Variants in ZMYND11 observed in about 807,000 individuals in gnomAD.
ZMYND11 encodes the protein zinc finger MYND-type containing 11.
Under a neutral mutation model 84.9 loss-of-function variants are expected in ZMYND11, and 9 were observed. The ratio of observed to expected loss-of-function variants is 0.11; its 90% confidence interval spans 0.06 to 0.18. ZMYND11 has a LOEUF of 0.18. Among genes scored for constraint, ZMYND11 ranks in the 10% least tolerant of loss-of-function variants. ZMYND11 has a pLI of 1.00. For missense variants in ZMYND11, 409 were observed against 761.0 expected, an observed-to-expected ratio of 0.54 and a Z score of 5.44; for synonymous variants, 250 against 244.1, an observed-to-expected ratio of 1.02 and a Z score of -0.23.
chr10:159,512 A>G (rs1032511308), intron 1 of ZMYND11, among the ~76,000 whole-genome samples: 4 of 152,150 alleles, frequency 2.6e-5, no homozygotes, highest in African/African-American at 9.7e-5. Context: ...GCATCTTTTA[A>G]TAAATTTATA....
At chr10:160,319 T>TA (rs1197632522) in intron 1 of ZMYND11, among the ~76,000 whole-genome samples, 4 of 152,242 alleles carry the variant, frequency 2.6e-5, no homozygotes, top group African/African-American at 7.2e-5. Context: ...AGACCTTAAT[T>TA]AAAAAATACT....
chr10:251,963 C>T (rs1488552859), intron 14 of ZMYND11, among the ~76,000 whole-genome samples: 2 of 151,876 alleles, frequency 1.3e-5, no homozygotes, highest in East Asian at 1.9e-4. Context: ...ATGTTAACGA[C>T]GAGAGAAGAA....
chr10:144,858 T>C (rs1413038650), intron 1 of ZMYND11, among the ~76,000 whole-genome samples: 1 of 150,572 alleles, frequency 6.6e-6, no homozygotes, highest in Admixed American at 6.6e-5. Context: ...CTGAGTAGTG[T>C]ACATTGTACC....
At chr10:241,375 A>G (rs1950882064) in intron 9 of ZMYND11, among the ~76,000 whole-genome samples, 2 of 152,016 alleles carry the variant, frequency 1.3e-5, no homozygotes, top group Admixed American at 6.5e-5. Flanking sequence ...ATGGGGTTTT[A>G]CCATGTTGCT....
chr10:158,976 GGTTTTTT>G lies in ZMYND11; in HGVS notation c.-19-21003_-19-20997del, dbSNP rs1469407467. Among the ~76,000 whole-genome samples the G allele has an allele frequency of 3.0e-4, 36 of 121,190 alleles. 1 individual carries two copies. Among genetic ancestry groups the G allele is most frequent in the African/African-American group, 4.8e-4 (16 of 33,038 alleles). 79.5% of individuals were successfully genotyped at this position (121,190 alleles called of 152,430 possible). Reference sequence around the variant, plus strand: ...TCTTTATCAGATATATGATTTGCAGGGTTTTTTGTTTTTTGTTTTTTTTTTTTTTTTT... The same window carrying G: ...TCTTTATCAGATATATGATTTGCAGGGTTTTTTGTTTTTTTTTTTTTTTTT... On this transcript the variant is annotated intron_variant, in intron 1 of 14. Transcript: ENST00000381604.
intron 1 of ZMYND11, among the ~76,000 whole-genome samples, chr10:179,104 T>C (rs1847285285): frequency 6.6e-6 from 1 of 152,154 alleles, no homozygotes. Context: ...ACATGTATGA[T>C]CTAGAGAGAT....
intron 2 of ZMYND11, among the ~76,000 whole-genome samples, chr10:192,901 A>C (rs11250797): frequency 0.25 from 38,105 of 151,804 alleles, 5,906 homozygotes; most frequent in Non-Finnish European, 0.35. Context: ...TTTTCTGTTG[A>C]TTTACACGGG....
At chr10:173,119 G>A (rs1845752593) in intron 1 of ZMYND11, among the ~76,000 whole-genome samples, 1 of 151,852 alleles carries the variant, frequency 6.6e-6, no homozygotes, top group African/African-American at 2.4e-5. Context: ...AGACCTAAAT[G>A]TAAAATACAA....
At chr10:180,209 T>TGATTAGCATAACAGATAA in intron 2 of ZMYND11, 81 bp downstream of exon 2, 1 of 1,018,378 alleles carries the variant, frequency 9.8e-7, no homozygotes, top group Non-Finnish European at 1.5e-6. Context: ...TTTTATCTGT[T>TGATTAGCATAACAGATAA]ATGCTAATCA....
intron 2 of ZMYND11, among the ~76,000 whole-genome samples, chr10:187,477 A>G (rs531942192): frequency 6.6e-6 from 1 of 151,792 alleles, no homozygotes; most frequent in Admixed American, 6.6e-5. Flanking sequence ...TACTAAAAAT[A>G]CAAAAAATTA....
chr10:177,020 A>G (rs1846780483), intron 1 of ZMYND11, among the ~76,000 whole-genome samples: 1 of 152,010 alleles, frequency 6.6e-6, no homozygotes, highest in African/African-American at 2.4e-5. Flanking sequence ...ATTGATGAAC[A>G]CTCAAATTGC....
At chr10:243,195 C>T (rs1327001776) in intron 10 of ZMYND11, among the ~76,000 whole-genome samples, 3 of 152,086 alleles carry the variant, frequency 2.0e-5, no homozygotes, top group Non-Finnish European at 4.4e-5. Context: ...ATAAAGGCCT[C>T]ATAAGAGTTT....
chr10:245,749 C>T (rs1407049364), intron 10 of ZMYND11, among the ~76,000 whole-genome samples: 1 of 152,166 alleles, frequency 6.6e-6, no homozygotes, highest in East Asian at 1.9e-4. Context: ...TCCATAGCAC[C>T]CTAGAGTACC....
chr10:207,135 A>G (rs1320649047), intron 2 of ZMYND11, among the ~76,000 whole-genome samples: 1 of 152,102 alleles, frequency 6.6e-6, no homozygotes, highest in Non-Finnish European at 1.5e-5. Context: ...GATGATTTCC[A>G]ATTTCATCCA....
intron 2 of ZMYND11, 106 bp downstream of exon 2, chr10:180,234 G>A (rs1341155221): frequency 2.8e-6 from 2 of 721,650 alleles, no homozygotes; most frequent in African/African-American, 1.8e-5. Context: ...ATATTACAAA[G>A]AACTGAAGAC....
At chr10:215,740 T>G (rs1946109023) in intron 3 of ZMYND11, among the ~76,000 whole-genome samples, 1 of 152,016 alleles carries the variant, frequency 6.6e-6, no homozygotes, top group Non-Finnish European at 1.5e-5. Flanking sequence ...TCATTTTTTG[T>G]AGAGACAGGG....
At chr10:230,952 C>T (rs1948924176) in intron 4 of ZMYND11, among the ~76,000 whole-genome samples, 1 of 152,224 alleles carries the variant, frequency 6.6e-6, no homozygotes, top group South Asian at 2.1e-4. Context: ...CTCTAGGGGT[C>T]AACCTGTGTA....
chr10:162,889 G>A (rs1413923613), intron 1 of ZMYND11, among the ~76,000 whole-genome samples: 1 of 152,146 alleles, frequency 6.6e-6, no homozygotes, highest in Non-Finnish European at 1.5e-5. Flanking sequence ...TGCTCTTGCT[G>A]TAATGGTGAC....
intron 1 of ZMYND11, among the ~76,000 whole-genome samples, chr10:137,712 A>G (rs1471834141): frequency 1.3e-5 from 2 of 152,264 alleles, no homozygotes; most frequent in Non-Finnish European, 2.9e-5. Flanking sequence ...GAATGTCTGT[A>G]GAGGCATTTA....
Sources: gnomAD v4.1 joint callset for allele counts (sites outside exome capture counted in the v4.1 genomes callset) on GRCh38, gnomAD v4.1.1 for gene constraint, MANE v1.5 for transcripts, NCBI Gene and HGNC (gene_info 2026-07-23, HGNC 2026-07-21) for gene names.